OR6N1: variants seen among roughly 807,000 people sequenced by gnomAD.
OR6N1 encodes olfactory receptor family 6 subfamily N member 1, also known as olfactory receptor 6N1.
For synonymous variants in OR6N1, 170 were observed against 150.7 expected, an observed-to-expected ratio of 1.13 and a Z score of -0.94; for missense variants, 394 against 371.7, an observed-to-expected ratio of 1.06 and a Z score of -0.49.
chr1:158,795,846 C>T, the OR6N1 span, among the ~76,000 whole-genome samples: 2 of 152,202 alleles, frequency 1.3e-5, no homozygotes, highest in African/African-American at 4.8e-5. Context: ...CTGCTGCACA[C>T]TACTTCTTTC....
chr1:158,774,891 G>A (rs1657546722), upstream of OR6N1: 2 of 152,098 alleles, frequency 1.3e-5, no homozygotes, highest in Admixed American at 6.6e-5. Context: ...TAGAACAGTG[G>A]GTTTCAGTAA....
upstream of OR6N1, among the ~76,000 whole-genome samples, chr1:158,772,352 T>A (rs1328722891): frequency 6.6e-6 from 1 of 152,158 alleles, no homozygotes; most frequent in Admixed American, 6.6e-5. Flanking sequence ...ATACAGCAAG[T>A]TCATTAGCCA....
chr1:158,834,396 C>A, the OR6N1 span, among the ~76,000 whole-genome samples: 7 of 152,046 alleles, frequency 4.6e-5, no homozygotes, highest in East Asian at 1.4e-3. Flanking sequence ...CCATGCCCGG[C>A]TAATTTTTGT....
the OR6N1 span, among the ~76,000 whole-genome samples, chr1:158,831,971 T>C: frequency 1.3e-5 from 2 of 152,188 alleles, no homozygotes; most frequent in Non-Finnish European, 2.9e-5. Context: ...TATTATATGA[T>C]TTTATCTCTA....
intron 1 of OR6N1, 123 bp from the exon 2 acceptor site, chr1:158,766,823 A>T: frequency 1.6e-6 from 1 of 627,616 alleles, no homozygotes; most frequent in Non-Finnish European, 2.7e-6. Context: ...CTCTAAGTAA[A>T]TGCTTTGAGA....
the OR6N1 span, among the ~76,000 whole-genome samples, chr1:158,786,068 A>AC: frequency 1.3e-4 from 20 of 152,188 alleles, no homozygotes; most frequent in African/African-American, 4.8e-4. Flanking sequence ...GAGTAAAAAG[A>AC]CACACCACAG....
the OR6N1 span, among the ~76,000 whole-genome samples, chr1:158,826,878 C>A: frequency 6.6e-6 from 1 of 152,006 alleles, no homozygotes; most frequent in African/African-American, 2.4e-5. Flanking sequence ...GTAGGACAAG[C>A]AGAGAAAAGA....
At chr1:158,811,183 C>A in the OR6N1 span, among the ~76,000 whole-genome samples, 2 of 152,142 alleles carry the variant, frequency 1.3e-5, no homozygotes, top group African/African-American at 4.8e-5. Context: ...TGACCTCCAG[C>A]TCCTACCATG....
the OR6N1 span, among the ~76,000 whole-genome samples, chr1:158,819,370 T>C: frequency 1.9e-4 from 29 of 152,268 alleles, no homozygotes; most frequent in African/African-American, 7.0e-4. Flanking sequence ...GAGATGTAGA[T>C]TGGAAGTCAG....
At chr1:158,826,011 A>G in the OR6N1 span, among the ~76,000 whole-genome samples, 1 of 152,174 alleles carries the variant, frequency 6.6e-6, no homozygotes, top group African/African-American at 2.4e-5. Flanking sequence ...ATTCTAAGCA[A>G]ACTGACACAG....
In OR6N1 at chr1:158,765,427, T is replaced by A. The variant is rs553600238; in HGVS notation, c.*317A>T. On this transcript the variant is annotated 3_prime_UTR_variant, in exon 2 of 2. Coordinates refer to ENST00000641846, the MANE Select transcript of OR6N1 (RefSeq NM_001005185.2). ...AAGTCAAGTAAATTTGAAAAATGCC[T>A]ATAAACGTATAATAGGTAAGACACA... 1.9e-4 allele frequency: 41 copies of A among 213,090 alleles called. No individual in the cohort carries two copies. Among genetic ancestry groups the A allele is most frequent in the African/African-American group, 9.4e-4 (41 of 43,838 alleles). 13.2% of individuals were successfully genotyped at this position (213,090 alleles called of 1,614,324 possible).
the OR6N1 span, among the ~76,000 whole-genome samples, chr1:158,826,714 T>C: frequency 6.6e-6 from 1 of 152,130 alleles, no homozygotes; most frequent in East Asian, 1.9e-4. Flanking sequence ...AATATAATCA[T>C]TTGAAGAAAA....
At chr1:158,779,879 T>A in the OR6N1 span, among the ~76,000 whole-genome samples, 1 of 152,218 alleles carries the variant, frequency 6.6e-6, no homozygotes, top group Non-Finnish European at 1.5e-5. Context: ...TTGTTACCTT[T>A]TTAACAAGTC....
the OR6N1 span, among the ~76,000 whole-genome samples, chr1:158,788,929 A>T: frequency 1.3e-5 from 2 of 152,168 alleles, no homozygotes; most frequent in Admixed American, 6.5e-5. Flanking sequence ...TTTTATTTAG[A>T]AGTTAGAATA....
chr1:158,804,351 C>A, the OR6N1 span, among the ~76,000 whole-genome samples: 1 of 152,164 alleles, frequency 6.6e-6, no homozygotes, highest in Admixed American at 6.5e-5. Flanking sequence ...GGGTTACATA[C>A]AACCTGAGGG....
At chr1:158,796,557 T>C in the OR6N1 span, among the ~76,000 whole-genome samples, 1 of 152,224 alleles carries the variant, frequency 6.6e-6, no homozygotes, top group Non-Finnish European at 1.5e-5. Flanking sequence ...TTTCCAGGGT[T>C]CCTATTTGAT....
chr1:158,827,851 G>C, the OR6N1 span, among the ~76,000 whole-genome samples: 1 of 152,040 alleles, frequency 6.6e-6, no homozygotes, highest in Non-Finnish European at 1.5e-5. Context: ...CCTGAGACTG[G>C]GCCTTTTACC....
chr1:158,775,132 A>C (rs1657559625), upstream of OR6N1: 1 of 152,264 alleles, frequency 6.6e-6, no homozygotes, highest in Non-Finnish European at 1.5e-5. Flanking sequence ...GTATATATAC[A>C]TAAATGTCCA....
At position 158,764,855 on chromosome 1, in the gene OR6N1, T is replaced by A. The variant is rs1461128231; in HGVS notation, c.*889A>T. The A allele has an allele frequency of 6.6e-6, 1 of 152,118 alleles. No homozygotes were observed. Among genetic ancestry groups the A allele is most frequent in the African/African-American group, 2.4e-5 (1 of 41,442 alleles). The allele number at this position is 152,118 out of a possible 1,614,324, so 9.4% of individuals were successfully genotyped here. On this transcript the variant is annotated 3_prime_UTR_variant, in exon 2 of 2. Transcript: ENST00000641846. ...TACTGGCCATAGATATTAGGACCAC[T>A]AAGACAGGTACATGAAACTTGTCAG... is the stretch of plus-strand genomic sequence containing the variant.
Sources: gnomAD v4.1 joint callset for allele counts (sites outside exome capture counted in the v4.1 genomes callset) on GRCh38, gnomAD v4.1.1 for gene constraint, MANE v1.5 for transcripts, NCBI Gene and HGNC (gene_info 2026-07-23, HGNC 2026-07-21) for gene names.